Variants in TSPEAR observed in about 807,000 individuals in gnomAD.
TSPEAR encodes the protein thrombospondin-type laminin G domain and EAR repeat-containing protein.
Under a neutral mutation model 71.6 loss-of-function variants are expected in TSPEAR, and 69 were observed. The ratio of observed to expected loss-of-function variants is 0.96; its 90% CI spans 0.79 to 1.18. The LOEUF (loss-of-function observed/expected upper bound fraction) is 1.18. Ranked by LOEUF, TSPEAR falls within the 50% of genes most tolerant of loss-of-function variation. The pLI is 0.00. For synonymous variants in TSPEAR, 402 were observed against 387.2 expected (o/e 1.04, Z -0.45); for missense variants, 971 against 894.9 (o/e 1.09, Z -1.09).
rs377208028 is a variant in TSPEAR at position 44,511,589 on chromosome 21, C to T, written c.1567-2203G>A. 4.7e-4 allele frequency among the ~76,000 whole-genome samples: 71 copies of T among 152,176 alleles called. No individual in the cohort carries two copies. In the Middle Eastern group the frequency reaches 0.01, roughly 22 times the overall value. On this transcript the variant is annotated intron_variant, in intron 9 of 11. Coordinates refer to ENST00000323084, the MANE Select transcript of TSPEAR (RefSeq NM_144991.3). Reference sequence around the variant, plus strand: ...ATCCCTGCAGGCACACCCATGCATCCGCCTGCATGACATCTACACACACAC... The same window carrying T: ...ATCCCTGCAGGCACACCCATGCATCTGCCTGCATGACATCTACACACACAC...
intron 1 of TSPEAR, among the ~76,000 whole-genome samples, chr21:44,590,198 A>C (rs1270908770): frequency 1.3e-5 from 2 of 152,250 alleles, no homozygotes; most frequent in Non-Finnish European, 2.9e-5. Flanking sequence ...TTGCTGGGGC[A>C]GGAGGCAGAC....
At chr21:44,610,662 G>A (rs1981603848) in intron 1 of TSPEAR, among the ~76,000 whole-genome samples, 2 of 152,166 alleles carry the variant, frequency 1.3e-5, no homozygotes, top group African/African-American at 2.4e-5. Context: ...TGTGATAAGA[G>A]GGCCACCATC....
At chr21:44,670,075 C>T (rs587650161) in intron 1 of TSPEAR, among the ~76,000 whole-genome samples, 21 of 152,254 alleles carry the variant, frequency 1.4e-4, no homozygotes, top group Non-Finnish European at 3.1e-4. Flanking sequence ...TCATTCAAAA[C>T]CACTAAATTA....
Position 44,687,984 on chromosome 21 carries a change from T to C in TSPEAR, c.82+23449A>G, listed in dbSNP as rs1986937783. Among the ~76,000 whole-genome samples, 1 of 152,226 alleles carries C rather than the reference T, an allele frequency of 6.6e-6. No individual in the cohort carries two copies. On this transcript the variant is annotated intron_variant, in intron 1 of 11. Coordinates refer to ENST00000323084, the MANE Select transcript of TSPEAR (RefSeq NM_144991.3). The surrounding 1 kb of genome is among the most constrained non-coding windows in gnomAD (Gnocchi z 4.4). ...ATCCGATCAAGCACAGTGAGTGACGTGCCAGGTGCAGATCCAGGGCCGGGC... is the reference window on the plus strand; with the variant it reads ...ATCCGATCAAGCACAGTGAGTGACGCGCCAGGTGCAGATCCAGGGCCGGGC...
intron 1 of TSPEAR, among the ~76,000 whole-genome samples, chr21:44,572,299 G>A (rs233280): frequency 0.23 from 34,416 of 152,132 alleles, 4,059 homozygotes; most frequent in Non-Finnish European, 0.25. Flanking sequence ...AGGACCCACC[G>A]GAAGTTGGTG....
intron 1 of TSPEAR, among the ~76,000 whole-genome samples, chr21:44,649,179 T>C (rs984358166): frequency 4.6e-5 from 7 of 152,270 alleles, no homozygotes; most frequent in Middle Eastern, 3.4e-3. Context: ...GAGGACATGG[T>C]TGGTGCATGC....
intron 1 of TSPEAR, among the ~76,000 whole-genome samples, chr21:44,603,977 C>A (rs1406206348): frequency 6.6e-6 from 1 of 151,858 alleles, no homozygotes; most frequent in Non-Finnish European, 1.5e-5. Flanking sequence ...AGACTGCGGG[C>A]TCACTGTCTC....
chr21:44,588,084 G>A (rs1979458896), intron 1 of TSPEAR, among the ~76,000 whole-genome samples: 1 of 152,190 alleles, frequency 6.6e-6, no homozygotes, highest in African/African-American at 2.4e-5. Context: ...AGAGTAAACA[G>A]ACAACCCACA....
chr21:44,557,702 CAA>C, intron 2 of TSPEAR: 2 of 319,008 alleles, frequency 6.3e-6, no homozygotes, highest in Non-Finnish European at 1.2e-5. Context: ...GGATGCAGCT[CAA>C]GGCCAGAGTC....
chr21:44,690,745 G>C (rs1303968658), intron 1 of TSPEAR: 2 of 301,796 alleles, frequency 6.6e-6, no homozygotes, highest in African/African-American at 4.5e-5. Flanking sequence ...TTATCCTCTG[G>C]GGGTGTGGTC....
chr21:44,530,915 C>T (rs1001864756), intron 4 of TSPEAR, 128 bp downstream of exon 4: 11 of 771,226 alleles, frequency 1.4e-5, no homozygotes, highest in Admixed American at 2.0e-5. Context: ...AGAGACTCCA[C>T]GCACGCTGTA....
At chr21:44,517,529 T>C (rs782324115) in intron 9 of TSPEAR, 3 of 339,160 alleles carry the variant, frequency 8.8e-6, no homozygotes, top group South Asian at 4.5e-5. Context: ...GACACGTGAG[T>C]ACAGGTCCAG....
At chr21:44,557,617 GCAGGAGAACCCCACAA>G (rs781975757) in intron 2 of TSPEAR, among the ~76,000 whole-genome samples, 29 of 152,294 alleles carry the variant, frequency 1.9e-4, no homozygotes, top group Middle Eastern at 6.8e-3. Context: ...GCTGAGGCTG[GCAGGAGAACCCCACAA>G]CAGCAGACCC....
intron 8 of TSPEAR, among the ~76,000 whole-genome samples, chr21:44,523,357 T>TGTCA (rs1307224088): frequency 6.6e-6 from 1 of 151,530 alleles, no homozygotes; most frequent in Non-Finnish European, 1.5e-5. Context: ...CGGTCAGTTG[T>TGTCA]GTCAGTCAGT....
chr21:44,615,257 C>T (rs1292333709), intron 1 of TSPEAR, among the ~76,000 whole-genome samples: 11 of 152,258 alleles, frequency 7.2e-5, no homozygotes, highest in Admixed American at 7.2e-4. Flanking sequence ...CGCCGCACCA[C>T]GGGGAGGCCC....
At chr21:44,555,276 G>T (rs1231097403) in intron 2 of TSPEAR, among the ~76,000 whole-genome samples, 4 of 152,210 alleles carry the variant, frequency 2.6e-5, no homozygotes, top group Non-Finnish European at 5.9e-5. Context: ...CCGAAATAAG[G>T]TAACTAATGT....
chr21:44,545,223 C>T (rs1405570948), intron 2 of TSPEAR, among the ~76,000 whole-genome samples: 1 of 151,500 alleles, frequency 6.6e-6, no homozygotes, highest in Admixed American at 6.6e-5. Flanking sequence ...GAGGCTGAGG[C>T]AGGAGAATGG....
In TSPEAR at chr21:44,551,513, T is replaced by A. The variant is rs407871; in HGVS notation, c.303+16272A>T. ...AGGTGTGTGAGTGAGTGAGTGTGTG[T>A]GTGAGTGTGTGAGTGAGTGTGTGTG... On this transcript the variant is annotated intron_variant, in intron 2 of 11. Coordinates refer to ENST00000323084, the MANE Select transcript of TSPEAR (RefSeq NM_144991.3). The A allele has an allele frequency of 5.5e-3, 3,725 of 675,884 alleles. 36 individuals carry two copies. The highest frequency in any genetic ancestry group is 0.026 in the Admixed American group (529 of 20,734). The allele number at this position is 675,884 out of a possible 1,614,324, so 41.9% of individuals were successfully genotyped here. A position where few individuals can be genotyped will look rare whatever the true frequency, so the allele number is the denominator to read the frequency against.
intron 1 of TSPEAR, among the ~76,000 whole-genome samples, chr21:44,585,050 T>C (rs1979248089): frequency 6.6e-6 from 1 of 152,202 alleles, no homozygotes; most frequent in Non-Finnish European, 1.5e-5. Context: ...TTTCTTTAGA[T>C]TTTCCTTGAT....
Sources: gnomAD v4.1 joint callset for allele counts (sites outside exome capture counted in the v4.1 genomes callset) on GRCh38, gnomAD v4.1.1 for gene constraint, Gnocchi (gnomAD v3.1) non-coding constraint, MANE v1.5 for transcripts, NCBI Gene and HGNC (gene_info 2026-07-23, HGNC 2026-07-21) for gene names.